The following DNAAF8 variants were observed in gnomAD, a reference collection of about 807,000 sequenced individuals.
DNAAF8 encodes the protein dynein axonemal-associated protein 1.
In DNAAF8, 61 loss-of-function variants were observed where a neutral mutation model predicts 54.6. The ratio of observed to expected loss-of-function variants is 1.12; its 90% CI spans 0.91 to 1.38. The LOEUF (loss-of-function observed/expected upper bound fraction) is 1.38. DNAAF8 is among the 40% of genes most tolerant of loss of function. The pLI is 0.00. For missense variants in DNAAF8, 837 were observed against 665.0 expected (o/e 1.26, Z -2.85); for synonymous variants, 320 against 270.1 (o/e 1.18, Z -1.81).
chr16:4,734,698 G>C lies in DNAAF8; in HGVS notation c.-52G>C, dbSNP rs2081849353. On this transcript the variant is annotated splice_region_variant and 5_prime_UTR_variant, in exon 1 of 10. Coordinates refer to ENST00000299320, the MANE Select transcript of DNAAF8 (RefSeq NM_139170.3). ...GCGGGGAGTGGAGGCAGAGGCCTGA[G>C]GTGAGGGGCCTCGGGCCTGCTGCGC... 6.6e-6 allele frequency: 1 copy of C among 152,294 alleles called. No homozygotes were observed. Among genetic ancestry groups the C allele is most frequent in the African/African-American group, 2.4e-5 (1 of 41,464 alleles). 9.4% of individuals were successfully genotyped at this position (152,294 alleles called of 1,614,324 possible).
chr16:4,742,388 C>G lies in DNAAF8; in HGVS notation c.784-655C>G, dbSNP rs1251592789. Among the ~76,000 whole-genome samples, 3 of 151,890 alleles carry G rather than the reference C, an allele frequency of 2.0e-5. No individual in the cohort carries two copies. In the East Asian group the frequency reaches 5.8e-4, roughly 29 times the overall value. ...TCGCCAACATGGTGAAACCCCATCTCTACTAAAAACACAAAAATTAGGCTG... is the reference window on the plus strand; with the variant it reads ...TCGCCAACATGGTGAAACCCCATCTGTACTAAAAACACAAAAATTAGGCTG... On this transcript the variant is annotated intron_variant, in intron 4 of 9. Coordinates refer to ENST00000299320, the MANE Select transcript of DNAAF8 (RefSeq NM_139170.3).
chr16:4,739,459 G>C (rs1410742654), intron 3 of DNAAF8, among the ~76,000 whole-genome samples: 1 of 151,380 alleles, frequency 6.6e-6, no homozygotes, highest in Non-Finnish European at 1.5e-5. Flanking sequence ...TGCTGTAACA[G>C]TGCATTCCAC....
intron 5 of DNAAF8, 103 bp downstream of exon 5, chr16:4,743,263 G>GC (rs1349362927): frequency 3.8e-6 from 3 of 780,716 alleles, no homozygotes; most frequent in Non-Finnish European, 4.1e-6. Flanking sequence ...CAGTCCTGCA[G>GC]CCCACACAAG....
rs370061668 is a variant in DNAAF8 at position 4,736,626 on chromosome 16, G to C, written c.112G>C (p.Asp38His). ...TGTCAAAGACCAGCTCCCGTCTCTG[G>C]ACTCAGACTCCCCTTTGGTAAGCAA... ...KAVKDQLPSL[D>H]SDSPLSDYGE... is the part of the protein sequence containing the mutation. Residue 38 changes from aspartate to histidine, a missense_variant, in exon 2 of 10, where the codon GAC becomes CAC. By Grantham distance (81) the Asp-to-His change is moderately conservative. Transcript: ENST00000299320. 6 of 1,575,542 alleles carry C rather than the reference G, an allele frequency of 3.8e-6. No individual in the cohort carries two copies. In the African/African-American group the frequency reaches 6.7e-5, roughly 18 times the overall value.
In DNAAF8 at chr16:4,746,961, GA is replaced by G; in HGVS notation, c.1217del (p.Glu406GlyfsTer74). The G allele has an allele frequency of 6.4e-7, 1 of 1,554,324 alleles. No individual in the cohort carries two copies. The highest frequency in any genetic ancestry group is 2.1e-5 in the Admixed American group (1 of 46,992). On this transcript the variant is annotated frameshift_variant, in exon 8 of 10. Coordinates refer to ENST00000299320, the MANE Select transcript of DNAAF8 (RefSeq NM_139170.3). LOFTEE classifies it high-confidence loss of function. ...CAGCTCCTCTGACAGTGAGGAGGAG[GA>G]GGAGGAAGAGATGGCAGCTCTGGGA... ...SHSSSDSEEE[E>X]EEEMAALGDA...
intron 9 of DNAAF8, chr16:4,748,495 G>T (rs947827732): frequency 6.6e-6 from 1 of 152,190 alleles, no homozygotes; most frequent in Non-Finnish European, 1.5e-5. Flanking sequence ...TGGAAATGCT[G>T]TCCTGTGTAG....
At chr16:4,743,395 A>G in intron 5 of DNAAF8, 1 of 410,460 alleles carries the variant, frequency 2.4e-6, no homozygotes, top group East Asian at 4.8e-5. Flanking sequence ...GGGACAAAGG[A>G]GAGGCCTCCG....
In DNAAF8 at chr16:4,742,883, C is replaced by T. The variant is rs114894837; in HGVS notation, c.784-160C>T. Among the ~76,000 whole-genome samples, 1,225 of 152,246 alleles carry T rather than the reference C, an allele frequency of 8.0e-3. 15 individuals are homozygous for T. The highest frequency in any genetic ancestry group is 0.028 in the African/African-American group (1,154 of 41,532). ...AGGCGTTCAATCTGTAATGGAAAGG[C>T]GGGGTCAGCCTATTTGCAAACTCTG... On this transcript the variant is annotated intron_variant, in intron 4 of 9. Coordinates refer to ENST00000299320, the MANE Select transcript of DNAAF8 (RefSeq NM_139170.3).
chr16:4,746,515 C>A lies in DNAAF8; in HGVS notation c.1181+3C>A, dbSNP rs372427578. Reference sequence around the variant, plus strand: ...CCAGACCACCTGTCCCCAGAAAGGTCCGGAGGGCAGTGACTACCCCATACC... The same window carrying A: ...CCAGACCACCTGTCCCCAGAAAGGTACGGAGGGCAGTGACTACCCCATACC... On this transcript the variant is annotated splice_donor_region_variant and intron_variant, in intron 7 of 9. Coordinates refer to ENST00000299320, the MANE Select transcript of DNAAF8 (RefSeq NM_139170.3). The A allele has an allele frequency of 6.2e-7, 1 of 1,612,662 alleles. No homozygotes were observed. The highest frequency in any genetic ancestry group is 1.3e-5 in the African/African-American group (1 of 75,028).
rs1261510007 is a variant in DNAAF8 at position 4,746,941 on chromosome 16, CCT to C, written c.1199_1200del (p.Ser400Ter). The C allele has an allele frequency of 7.0e-6, 11 of 1,561,868 alleles. No homozygotes were observed. Among genetic ancestry groups the C allele is most frequent in the Non-Finnish European group, 8.6e-6 (10 of 1,157,214 alleles). ...TCTCCCTGCAGCTCCAGCCACAGCT[CCT>C]CTGACAGTGAGGAGGAGGAGGAGGA... On this transcript the variant is annotated frameshift_variant, in exon 8 of 10. Coordinates refer to ENST00000299320, the MANE Select transcript of DNAAF8 (RefSeq NM_139170.3). LOFTEE classifies it high-confidence loss of function.
chr16:4,744,768 C>T (rs2142210699), intron 5 of DNAAF8, 102 bp from the exon 6 acceptor site: 5 of 1,397,756 alleles, frequency 3.6e-6, no homozygotes, highest in East Asian at 2.3e-5. Flanking sequence ...AGCCTGAGGT[C>T]CATTCACATG....
At chr16:4,742,607 C>G (rs1408714565) in intron 4 of DNAAF8, among the ~76,000 whole-genome samples, 1 of 150,930 alleles carries the variant, frequency 6.6e-6, no homozygotes, top group African/African-American at 2.4e-5. Context: ...GTAATTCCAG[C>G]TACTTGGGAG....
At chr16:4,739,997 T>C (rs112164430) in intron 3 of DNAAF8, among the ~76,000 whole-genome samples, 156 bp from the exon 4 acceptor site, 3,105 of 149,898 alleles carry the variant, frequency 0.021, 116 homozygotes, top group African/African-American at 0.073. Flanking sequence ...AAGTCGAGGC[T>C]GCAGTGAGCT....
chr16:4,745,824 A>T (rs1019984768), intron 6 of DNAAF8, among the ~76,000 whole-genome samples: 1 of 152,026 alleles, frequency 6.6e-6, no homozygotes, highest in African/African-American at 2.4e-5. Flanking sequence ...ATGTTGGTGC[A>T]TGCCTGTAAT....
intron 3 of DNAAF8, 29 bp downstream of exon 3, chr16:4,737,975 T>C: frequency 1.2e-6 from 2 of 1,604,256 alleles, no homozygotes; most frequent in African/African-American, 1.3e-5. Flanking sequence ...AGTATACGCC[T>C]GTGTGTGTGC....
Position 4,748,846 on chromosome 16 carries a change from T to C in DNAAF8, c.*131T>C, listed in dbSNP as rs2082050949. ...GGGCCTTTGGGACAGTGTCCCAGCT[T>C]CCCCTGGGGTTCACCCCTGGCTGCC... On this transcript the variant is annotated 3_prime_UTR_variant, in exon 10 of 10. Transcript: ENST00000299320. 6.6e-6 allele frequency: 1 copy of C among 152,308 alleles called. No homozygotes were observed. Among genetic ancestry groups the C allele is most frequent in the Non-Finnish European group, 1.5e-5 (1 of 68,128 alleles). 9.4% of individuals were successfully genotyped at this position (152,308 alleles called of 1,614,324 possible). A position where few individuals can be genotyped will look rare whatever the true frequency, so the allele number is the denominator to read the frequency against.
Position 4,746,487 on chromosome 16 carries a change from C to G in DNAAF8, c.1156C>G (p.Leu386Val), listed in dbSNP as rs753256219. 1.2e-6 allele frequency: 2 copies of G among 1,613,712 alleles called. No homozygotes were observed. Among genetic ancestry groups the G allele is most frequent in the Non-Finnish European group, 1.7e-6 (2 of 1,179,998 alleles). Reference protein sequence around the residue: ...TIFIDLRQMELPDHLSPESSS... With the variant: ...TIFIDLRQMEVPDHLSPESSS... ...CTTTATTGACCTGCGGCAGATGGAGCTACCAGACCACCTGTCCCCAGAAAG... is the reference window on the plus strand; with the variant it reads ...CTTTATTGACCTGCGGCAGATGGAGGTACCAGACCACCTGTCCCCAGAAAG... Residue 386 changes from leucine to valine, a missense_variant, in exon 7 of 10, where the codon CTA becomes GTA. By Grantham distance (32) the Leu-to-Val change is conservative. Transcript: ENST00000299320.
chr16:4,747,094 C>T lies in DNAAF8; in HGVS notation c.1280+69C>T. On this transcript the variant is annotated intron_variant, in intron 8 of 9. Transcript: ENST00000299320. ...CTGCTTTCTGCAGCAAGCCCTCCAC[C>T]TGGCACATTTACCGCCTGTGGTGAG... 2.8e-6 allele frequency: 4 copies of T among 1,422,226 alleles called. No individual in the cohort carries two copies. In the South Asian group the frequency reaches 4.0e-5, roughly 14 times the overall value. The allele number at this position is 1,422,226 out of a possible 1,614,324, so 88.1% of individuals were successfully genotyped here. A position where few individuals can be genotyped will look rare whatever the true frequency, so the allele number is the denominator to read the frequency against.
At position 4,746,977 on chromosome 16, in the gene DNAAF8, C is replaced by T; in HGVS notation, c.1232C>T (p.Ala411Val). 1.3e-6 allele frequency: 2 copies of T among 1,551,308 alleles called. No individual in the cohort carries two copies. The highest frequency in any genetic ancestry group is 1.7e-6 in the Non-Finnish European group (2 of 1,153,292). ...GAGGAGGAGGAGGAGGAAGAGATGGCAGCTCTGGGAGACGCAGAGGGGGCA... is the reference window on the plus strand; with the variant it reads ...GAGGAGGAGGAGGAGGAAGAGATGGTAGCTCTGGGAGACGCAGAGGGGGCA... ...DSEEEEEEEM[A>V]ALGDAEGASP... Residue 411 changes from alanine to valine, a missense_variant, in exon 8 of 10, where the codon GCA becomes GTA. Ala to Val is a moderately conservative substitution (Grantham distance 64). Transcript: ENST00000299320.
Sources: gnomAD v4.1 joint callset for allele counts (sites outside exome capture counted in the v4.1 genomes callset) on GRCh38, gnomAD v4.1.1 for gene constraint, MANE v1.5 for transcripts, NCBI Gene and HGNC (gene_info 2026-07-23, HGNC 2026-07-21) for gene names.